Variants in FAS observed in about 807,000 individuals in gnomAD.
FAS encodes the protein Fas cell surface death receptor.
In FAS, 5 loss-of-function variants were observed where a neutral mutation model predicts 33.2. The ratio of observed to expected loss-of-function variants is 0.15; its 90% CI spans 0.08 to 0.32. FAS has a LOEUF of 0.32. FAS is among the 10% of genes least tolerant of loss of function. The pLI, the probability that FAS is intolerant of heterozygous loss-of-function variation, is 1.00. For synonymous variants in FAS, 131 were observed against 130.7 expected, an observed-to-expected ratio of 1.00 and a Z score of -0.01; for missense variants, 339 against 386.0, an observed-to-expected ratio of 0.88 and a Z score of 1.02.
In FAS at chr10:88,971,588, CT is replaced by C. The variant is rs1220534584; in HGVS notation, n.95-1587del. Among the ~76,000 whole-genome samples, 12 of 152,102 alleles carry C rather than the reference CT, an allele frequency of 7.9e-5. No homozygotes were observed. The East Asian group carries it at 2.3e-3, about 29-fold the overall frequency. On this transcript the variant is annotated intron_variant and non_coding_transcript_variant, in intron 1 of 3. Transcript: ENST00000688239. Reference sequence around the variant, plus strand: ...CCTTTTTTAGATGATTTGGATTTGCCTTTTTTTCTTATAATAAAAGTCATAA... The same window carrying C: ...CCTTTTTTAGATGATTTGGATTTGCCTTTTTTCTTATAATAAAAGTCATAA...
intron 6 of FAS, 118 bp from the exon 7 acceptor site, chr10:89,011,881 T>C (rs1421946761): frequency 1.0e-6 from 1 of 972,572 alleles, no homozygotes; most frequent in East Asian, 2.5e-5. Context: ...TGGCCACTTT[T>C]AAGTTTCACT....
intron 1 of FAS, among the ~76,000 whole-genome samples, chr10:88,996,145 G>A (rs1000226433): frequency 6.6e-6 from 1 of 152,186 alleles, no homozygotes; most frequent in Admixed American, 6.5e-5. Context: ...TGTGAGGGCA[G>A]ATATCTTGAA....
intron 1 of FAS, among the ~76,000 whole-genome samples, chr10:88,964,108 G>A (rs1846281089): frequency 6.6e-6 from 1 of 151,144 alleles, no homozygotes; most frequent in Admixed American, 6.6e-5. Context: ...GTTTACTTTA[G>A]TTTCATATAT....
At chr10:88,977,257 G>A (rs954273180) in intron 2 of FAS, among the ~76,000 whole-genome samples, 2 of 151,550 alleles carry the variant, frequency 1.3e-5, no homozygotes, top group African/African-American at 4.9e-5. Context: ...GTCCTGAATG[G>A]TAATGCCTAG....
chr10:88,999,398 T>C (rs1433138808), intron 1 of FAS, among the ~76,000 whole-genome samples: 2 of 152,314 alleles, frequency 1.3e-5, no homozygotes, highest in South Asian at 2.1e-4. Flanking sequence ...TTCAGATAAA[T>C]CTATTAACAT....
intron 2 of FAS, among the ~76,000 whole-genome samples, chr10:88,975,756 G>T (rs940520463): frequency 6.6e-6 from 1 of 152,156 alleles, no homozygotes; most frequent in African/African-American, 2.4e-5. Context: ...CAAACCAGGA[G>T]ATACTTGACA....
intron 1 of FAS, among the ~76,000 whole-genome samples, chr10:89,001,082 A>C (rs1425088593): frequency 6.6e-6 from 1 of 152,062 alleles, no homozygotes; most frequent in Non-Finnish European, 1.5e-5. Context: ...ACAACAACAA[A>C]AACAAAGTAA....
At chr10:88,973,479 A>T (rs1846495386) in intron 2 of FAS, 1 of 829,256 alleles carries the variant, frequency 1.2e-6, no homozygotes, top group Non-Finnish European at 1.7e-6. Context: ...CATCTTGATT[A>T]TCAGTTTCTC....
chr10:88,980,225 T>C (rs1011292259), intron 2 of FAS, among the ~76,000 whole-genome samples: 3 of 151,920 alleles, frequency 2.0e-5, no homozygotes, highest in Non-Finnish European at 4.4e-5. Flanking sequence ...ATAATGCACT[T>C]TAAATGTACA....
intron 2 of FAS, among the ~76,000 whole-genome samples, chr10:88,975,364 GAGA>G (rs1846537629): frequency 6.6e-6 from 1 of 152,220 alleles, no homozygotes; most frequent in South Asian, 2.1e-4. Flanking sequence ...AAAATTAGTT[GAGA>G]AGGACAATAG....
chr10:88,966,375 GC>G (rs1308452023), intron 1 of FAS, among the ~76,000 whole-genome samples: 1 of 152,174 alleles, frequency 6.6e-6, no homozygotes, highest in Non-Finnish European at 1.5e-5. Flanking sequence ...TTTAGGCCCT[GC>G]CTCTGATTGT....
intron 2 of FAS, among the ~76,000 whole-genome samples, chr10:88,977,389 C>T (rs1430528166): frequency 6.6e-6 from 1 of 151,250 alleles, no homozygotes; most frequent in Non-Finnish European, 1.5e-5. Context: ...TATGGCTAGC[C>T]AGTTTTCCCA....
chr10:89,012,706 C>T (rs1364986495), intron 7 of FAS: 1 of 155,054 alleles, frequency 6.4e-6, no homozygotes, highest in Non-Finnish European at 1.4e-5. Context: ...ACAGCCTTTA[C>T]CAGGCATGGG....
intron 1 of FAS, among the ~76,000 whole-genome samples, chr10:88,997,704 C>CT (rs1238795890): frequency 6.6e-6 from 1 of 152,110 alleles, no homozygotes; most frequent in Non-Finnish European, 1.5e-5. Context: ...AAATTTTAAA[C>CT]TATTCAATAA....
At position 89,015,729 on chromosome 10, in the gene FAS, T is replaced by A. The variant is rs779564431; in HGVS notation, c.*1279T>A. 1 of 500,054 alleles carries A rather than the reference T, an allele frequency of 2.0e-6. No homozygotes were observed. The highest frequency in any genetic ancestry group is 4.0e-5 in the East Asian group (1 of 25,132). The allele number at this position is 500,054 out of a possible 1,614,324, so 31.0% of individuals were successfully genotyped here. On this transcript the variant is annotated 3_prime_UTR_variant, in exon 9 of 9. Coordinates refer to ENST00000652046, the MANE Select transcript of FAS (RefSeq NM_000043.6). ...ATTTATGGAGGATTTTTTTGCCCCTTGTGTTTGGAATTATAAAATATAGGT... is the reference window on the plus strand; with the variant it reads ...ATTTATGGAGGATTTTTTTGCCCCTAGTGTTTGGAATTATAAAATATAGGT...
In FAS at chr10:89,016,895, C is replaced by A. The variant is rs984101107; in HGVS notation, c.*2445C>A. 4 of 196,026 alleles carry A rather than the reference C, an allele frequency of 2.0e-5. No individual in the cohort carries two copies. The highest frequency in any genetic ancestry group is 6.1e-5 in the Admixed American group (1 of 16,438). 12.1% of individuals were successfully genotyped at this position (196,026 alleles called of 1,614,324 possible). A position where few individuals can be genotyped will look rare whatever the true frequency, so the allele number is the denominator to read the frequency against. On this transcript the variant is annotated 3_prime_UTR_variant, in exon 9 of 9. Coordinates refer to ENST00000652046, the MANE Select transcript of FAS (RefSeq NM_000043.6). ...ATCAGACACTTTTTAGATATTGAAT[C>A]ATCAGTTTCTGTACAACTATCTGAA...
Position 88,991,323 on chromosome 10 carries a change from A to G in FAS, c.30+417A>G, listed in dbSNP as rs999852376. ...GCGGAACTCCTGGACAAGCCCTGACAAGCCAAGCCAAAGGTCCGCTCCGGC... is the reference window on the plus strand; with the variant it reads ...GCGGAACTCCTGGACAAGCCCTGACGAGCCAAGCCAAAGGTCCGCTCCGGC... On this transcript the variant is annotated intron_variant, in intron 1 of 8. Coordinates refer to ENST00000652046, the MANE Select transcript of FAS (RefSeq NM_000043.6). 8.8e-6 allele frequency: 3 copies of G among 340,768 alleles called. No individual in the cohort carries two copies. The Admixed American group carries it at 1.4e-4, about 15-fold the overall frequency. The allele number at this position is 340,768 out of a possible 1,614,324, so 21.1% of individuals were successfully genotyped here.
chr10:89,003,385 G>T (rs993271198), intron 2 of FAS, among the ~76,000 whole-genome samples, 191 bp downstream of exon 2: 1 of 152,182 alleles, frequency 6.6e-6, no homozygotes, highest in Non-Finnish European at 1.5e-5. Flanking sequence ...ATTTGATGTG[G>T]TTATGGATAA....
chr10:88,983,713 T>G (rs1399315354), upstream of FAS, among the ~76,000 whole-genome samples: 2 of 152,138 alleles, frequency 1.3e-5, no homozygotes, highest in African/African-American at 4.8e-5. Flanking sequence ...CTTATTTTTG[T>G]TTATTTTTAA....
Sources: gnomAD v4.1 joint callset for allele counts (sites outside exome capture counted in the v4.1 genomes callset) on GRCh38, gnomAD v4.1.1 for gene constraint, MANE v1.5 for transcripts, NCBI Gene and HGNC (gene_info 2026-07-23, HGNC 2026-07-21) for gene names.